The following PRDM6 variants were observed in gnomAD, a reference collection of about 807,000 sequenced individuals.
PRDM6 encodes the protein putative histone-lysine N-methyltransferase PRDM6.
A neutral mutation model predicts 60.8 loss-of-function variants in PRDM6; 25 were observed. That is an observed-to-expected ratio of 0.41 (90% CI 0.30 to 0.57). The LOEUF is 0.57. PRDM6 is among the 20% of genes least tolerant of loss of function. The pLI is 0.27. For synonymous variants in PRDM6, 407 were observed against 357.4 expected (o/e 1.14, Z -1.57); for missense variants, 839 against 821.3 (o/e 1.02, Z -0.26).
rs1006970138 is a variant in PRDM6 at position 123,189,364 on chromosome 5, A to C, written c.*2163A>C. The C allele has an allele frequency of 1.3e-5, 2 of 152,094 alleles. No individual in the cohort carries two copies. The highest frequency in any genetic ancestry group is 4.8e-5 in the African/African-American group (2 of 41,418). The allele number at this position is 152,094 out of a possible 1,614,324, so 9.4% of individuals were successfully genotyped here. A position where few individuals can be genotyped will look rare whatever the true frequency, so the allele number is the denominator to read the frequency against. ...TATTTCTAATTTTTTTTTTCATTTG[A>C]AAAATCAGCTCAGCCATTTGCCACA... On this transcript the variant is annotated 3_prime_UTR_variant, in exon 8 of 8. Transcript: ENST00000407847.
chr5:123,091,434 G>A (rs1292670517), intron 2 of PRDM6, among the ~76,000 whole-genome samples: 1 of 152,152 alleles, frequency 6.6e-6, no homozygotes, highest in African/African-American at 2.4e-5. Context: ...CTTCCTCCAA[G>A]TTAATAGCAA....
At chr5:123,105,175 TC>T (rs1764176875) in intron 3 of PRDM6, among the ~76,000 whole-genome samples, 1 of 152,260 alleles carries the variant, frequency 6.6e-6, no homozygotes, top group African/African-American at 2.4e-5. Context: ...AATAGCATTT[TC>T]TCAATATGAA....
intron 3 of PRDM6, among the ~76,000 whole-genome samples, chr5:123,105,984 C>G (rs1764190568): frequency 6.6e-6 from 1 of 152,206 alleles, no homozygotes; most frequent in Non-Finnish European, 1.5e-5. Context: ...CCCTGATTTA[C>G]TCACTGTAAT....
Position 123,159,619 on chromosome 5 carries a change from C to T in PRDM6, c.1134C>T (p.Cys378=), listed in dbSNP as rs1291280061. Residue 378 remains cysteine, a synonymous_variant, in exon 5 of 8, where the codon TGC becomes TGT. Transcript: ENST00000407847. ...CTTTCTTTGGGATCCCCTTACAATG[C>T]ATTGCCCAGGATGAAAACTGTAAGA... The part of the protein sequence containing the change: ...YTSFFGIPLQ[C]IAQDENLNVP... 2.6e-6 allele frequency: 4 copies of T among 1,551,430 alleles called. No homozygotes were observed. The highest frequency in any genetic ancestry group is 3.5e-6 in the Non-Finnish European group (4 of 1,146,738).
intron 1 of PRDM6, 122 bp downstream of exon 1, chr5:123,089,641 C>A (rs985999530): frequency 3.9e-5 from 9 of 231,206 alleles, no homozygotes; most frequent in Non-Finnish European, 6.6e-5. Flanking sequence ...GCCAACGCGG[C>A]TCGGGCGCTG....
At chr5:123,167,611 A>T (rs1765782874) in intron 5 of PRDM6, among the ~76,000 whole-genome samples, 2 of 151,400 alleles carry the variant, frequency 1.3e-5, no homozygotes, top group East Asian at 3.9e-4. Flanking sequence ...CTGGTCTTGA[A>T]CTCCCGACCT....
At chr5:123,172,485 T>A (rs1359795021) in intron 6 of PRDM6, among the ~76,000 whole-genome samples, 2 of 152,198 alleles carry the variant, frequency 1.3e-5, no homozygotes, top group Admixed American at 1.3e-4. Context: ...GTAGAGGTGA[T>A]ACAAAAGTTA....
chr5:123,127,489 G>T (rs1055758599), intron 3 of PRDM6, among the ~76,000 whole-genome samples: 5 of 152,204 alleles, frequency 3.3e-5, no homozygotes, highest in African/African-American at 1.2e-4. Context: ...ATCGTTGAGA[G>T]AAGTAAGTGG....
At chr5:123,093,829 T>C (rs2150205133) in intron 2 of PRDM6, among the ~76,000 whole-genome samples, 1 of 152,108 alleles carries the variant, frequency 6.6e-6, no homozygotes, top group African/African-American at 2.4e-5. Flanking sequence ...TCCCGGCTGT[T>C]CTCTCAGCAC....
intron 3 of PRDM6, among the ~76,000 whole-genome samples, chr5:123,142,198 G>A (rs865907934): frequency 6.6e-6 from 1 of 151,922 alleles, no homozygotes; most frequent in African/African-American, 2.4e-5. Context: ...TATCCTTCTG[G>A]GTTCCAACAG....
Position 123,162,415 on chromosome 5 carries a change from T to C in PRDM6, c.1153+2777T>C, listed in dbSNP as rs535522495. Among the ~76,000 whole-genome samples, 6 of 152,344 alleles carry C rather than the reference T, an allele frequency of 3.9e-5. No homozygotes were observed. In the South Asian group the frequency reaches 1.2e-3, roughly 32 times the overall value. ...AACATACCAGTTTGCTTTTCAGTTC[T>C]TCTTTCTGCTAGTGTCTAACCTGAG... On this transcript the variant is annotated intron_variant, in intron 5 of 7. Transcript: ENST00000407847.
At chr5:123,097,672 G>A (rs951181506) in intron 2 of PRDM6, among the ~76,000 whole-genome samples, 2 of 152,154 alleles carry the variant, frequency 1.3e-5, no homozygotes, top group African/African-American at 4.8e-5. Context: ...TGAAGTGTGT[G>A]TGTTTCAGAG....
intron 2 of PRDM6, among the ~76,000 whole-genome samples, chr5:123,097,666 G>A (rs962632138): frequency 6.6e-6 from 1 of 152,184 alleles, no homozygotes; most frequent in Non-Finnish European, 1.5e-5. Flanking sequence ...GGTGTGTGAA[G>A]TGTGTGTGTT....
chr5:123,136,429 G>A lies in PRDM6; in HGVS notation c.901-19455G>A, dbSNP rs377711911. Among the ~76,000 whole-genome samples the A allele has an allele frequency of 7.5e-4, 114 of 152,070 alleles. No homozygotes were observed. The South Asian group carries it at 0.01, about 14-fold the overall frequency. On this transcript the variant is annotated intron_variant, in intron 3 of 7. Transcript: ENST00000407847. ...AGACTGTTTTGCAAAGTAGACACCC[G>A]AGAGGCTAAAGTGTTTTTCACTGTT...
chr5:123,133,595 A>G (rs1217615832), intron 3 of PRDM6, among the ~76,000 whole-genome samples: 2 of 152,136 alleles, frequency 1.3e-5, no homozygotes, highest in African/African-American at 4.8e-5. Flanking sequence ...ATCTATTAAA[A>G]TACAACCAAT....
At chr5:123,136,287 TA>T (rs1337232935) in intron 3 of PRDM6, among the ~76,000 whole-genome samples, 1 of 152,208 alleles carries the variant, frequency 6.6e-6, no homozygotes, top group African/African-American at 2.4e-5. Flanking sequence ...TTTGGCATGT[TA>T]CATGGTGACC....
At chr5:123,105,694 T>C (rs559984983) in intron 3 of PRDM6, among the ~76,000 whole-genome samples, 10 of 152,366 alleles carry the variant, frequency 6.6e-5, no homozygotes, top group African/African-American at 2.4e-4. Context: ...TCGTTCTTTT[T>C]CTTTCATTCT....
chr5:123,146,623 A>G (rs1446605883), intron 3 of PRDM6, among the ~76,000 whole-genome samples: 1 of 152,130 alleles, frequency 6.6e-6, no homozygotes, highest in Non-Finnish European at 1.5e-5. Flanking sequence ...TTGTTTCCAA[A>G]ATCCATCTTT....
At chr5:123,178,648 G>A (rs973630839) in intron 6 of PRDM6, among the ~76,000 whole-genome samples, 1 of 152,190 alleles carries the variant, frequency 6.6e-6, no homozygotes, top group South Asian at 2.1e-4. Context: ...AAATTGTATA[G>A]TATTGAGTTA....
Sources: gnomAD v4.1 joint callset for allele counts (sites outside exome capture counted in the v4.1 genomes callset) on GRCh38, gnomAD v4.1.1 for gene constraint, MANE v1.5 for transcripts, NCBI Gene and HGNC (gene_info 2026-07-23, HGNC 2026-07-21) for gene names.